SMOC2: variants seen among roughly 807,000 people sequenced by gnomAD.
The protein encoded by SMOC2 is SPARC-related modular calcium-binding protein 2.
A neutral mutation model predicts 61.4 loss-of-function variants in SMOC2; 39 were observed. The observed-to-expected ratio is 0.64, with a 90% CI of 0.49 to 0.83. The LOEUF is 0.83. Among genes scored for constraint, SMOC2 ranks in the 40% least tolerant of loss-of-function variants. The pLI is 0.00. For synonymous variants in SMOC2, 247 were observed against 239.9 expected, an observed-to-expected ratio of 1.03 and a Z score of -0.27; for missense variants, 556 against 592.9, an observed-to-expected ratio of 0.94 and a Z score of 0.65.
intron 12 of SMOC2, chr6:168,665,199 A>T (rs1787631160): frequency 6.1e-6 from 1 of 163,618 alleles, no homozygotes; most frequent in Non-Finnish European, 1.3e-5. Context: ...CGCTCCACGC[A>T]TCTTAAATAA....
chr6:168,562,080 A>G (rs367603356), intron 7 of SMOC2, among the ~76,000 whole-genome samples: 6 of 10,454 alleles, frequency 5.7e-4, no homozygotes, highest in African/African-American at 3.6e-3. Flanking sequence ...CTCTCACTGC[A>G]TTCTTGGAGG....
At chr6:168,603,722 A>C (rs1415779256) in intron 8 of SMOC2, among the ~76,000 whole-genome samples, 3 of 130,484 alleles carry the variant, frequency 2.3e-5, no homozygotes, top group Non-Finnish European at 3.6e-5. Flanking sequence ...AAAAAAAAAA[A>C]AACCAGTAAT....
At chr6:168,591,763 A>G (rs1327264733) in intron 7 of SMOC2, among the ~76,000 whole-genome samples, 3 of 151,802 alleles carry the variant, frequency 2.0e-5, no homozygotes, top group African/African-American at 7.2e-5. Flanking sequence ...TTCTTTATAC[A>G]TTAACTCCTC....
chr6:168,480,733 A>G (rs1227956234), intron 1 of SMOC2, among the ~76,000 whole-genome samples: 1 of 152,164 alleles, frequency 6.6e-6, no homozygotes, highest in African/African-American at 2.4e-5. Context: ...TAAAGATCCA[A>G]GAAGCTCAAT....
intron 11 of SMOC2, among the ~76,000 whole-genome samples, chr6:168,654,308 C>G (rs151161050): frequency 6.3e-4 from 27 of 42,776 alleles, no homozygotes; most frequent in South Asian, 1.7e-3. Flanking sequence ...CACCAACCCT[C>G]TACCTGAGCT....
intron 1 of SMOC2, among the ~76,000 whole-genome samples, chr6:168,485,499 G>T (rs1378046083): frequency 6.6e-6 from 1 of 152,120 alleles, no homozygotes; most frequent in African/African-American, 2.4e-5. Flanking sequence ...CCATAAAAAG[G>T]AATGAAGTGT....
At chr6:168,448,885 C>T (rs890798849) in intron 1 of SMOC2, among the ~76,000 whole-genome samples, 2 of 152,078 alleles carry the variant, frequency 1.3e-5, no homozygotes, top group African/African-American at 4.8e-5. Flanking sequence ...TTGATATTAC[C>T]TCAATGGGGT....
rs115525145 is a variant in SMOC2 at position 168,570,359 on chromosome 6, C to A, written c.637+21156C>A. ...GCAACCAGAGGAGCCTTGCCAGAAT[C>A]GTCAGGCTGAGGCCCACCGCGGGGG... On this transcript the variant is annotated intron_variant, in intron 7 of 12. Transcript: ENST00000356284. Among the ~76,000 whole-genome samples, 720 of 152,230 alleles carry A rather than the reference C, an allele frequency of 4.7e-3. 5 individuals carry two copies. The highest frequency in any genetic ancestry group is 0.017 in the African/African-American group (692 of 41,526).
intron 8 of SMOC2, among the ~76,000 whole-genome samples, chr6:168,599,663 CACACACTCCCCT>C (rs1281932532): frequency 1.6e-5 from 1 of 62,890 alleles, no homozygotes; most frequent in Non-Finnish European, 4.5e-5. Context: ...TACCCACACT[CACACACTCCCCT>C]ACACACTCTC....
chr6:168,579,606 C>T (rs1784880155), intron 7 of SMOC2, among the ~76,000 whole-genome samples: 1 of 152,222 alleles, frequency 6.6e-6, no homozygotes, highest in Non-Finnish European at 1.5e-5. Context: ...TTGCACCCGT[C>T]CTGAGGGGAG....
At chr6:168,591,229 G>T (rs751549619) in intron 7 of SMOC2, among the ~76,000 whole-genome samples, 4 of 152,238 alleles carry the variant, frequency 2.6e-5, no homozygotes, top group Non-Finnish European at 5.9e-5. Flanking sequence ...TCGGGAGTGT[G>T]TTCAGGAAGG....
chr6:168,564,233 T>G (rs1356113894), intron 7 of SMOC2, among the ~76,000 whole-genome samples: 2 of 152,118 alleles, frequency 1.3e-5, no homozygotes, highest in Admixed American at 6.5e-5. Flanking sequence ...GATTCACACG[T>G]ATTTTCTTCC....
intron 1 of SMOC2, among the ~76,000 whole-genome samples, chr6:168,485,127 C>A (rs1554283222): frequency 2.0e-5 from 3 of 151,670 alleles, no homozygotes; most frequent in Non-Finnish European, 1.5e-5. Context: ...TACCATAATA[C>A]AAATAATTGA....
At chr6:168,562,384 C>T (rs113705358) in intron 7 of SMOC2, among the ~76,000 whole-genome samples, 69 of 112,030 alleles carry the variant, frequency 6.2e-4, no homozygotes, top group African/African-American at 2.1e-3. Flanking sequence ...ACACAAGGCT[C>T]TCACTGCATT....
chr6:168,585,653 C>T (rs1435379270), intron 7 of SMOC2, among the ~76,000 whole-genome samples: 1 of 152,226 alleles, frequency 6.6e-6, no homozygotes, highest in Non-Finnish European at 1.5e-5. Flanking sequence ...TGCTCCTCAG[C>T]TCAGCTGGCC....
intron 7 of SMOC2, among the ~76,000 whole-genome samples, chr6:168,578,186 C>T (rs1284488027): frequency 1.3e-5 from 2 of 152,172 alleles, no homozygotes; most frequent in Non-Finnish European, 2.9e-5. Flanking sequence ...GAAGCTTGGC[C>T]GTGCCCTGCA....
chr6:168,659,624 G>T (rs1228451224), intron 11 of SMOC2, among the ~76,000 whole-genome samples: 2 of 149,510 alleles, frequency 1.3e-5, no homozygotes, highest in Non-Finnish European at 3.0e-5. Context: ...TAGGCTGAGT[G>T]AGGGTGGAGG....
At chr6:168,455,810 A>G (rs1220018788) in intron 1 of SMOC2, among the ~76,000 whole-genome samples, 3 of 152,236 alleles carry the variant, frequency 2.0e-5, no homozygotes, top group Non-Finnish European at 4.4e-5. Flanking sequence ...CTTTATACAA[A>G]TGGGCAGCTC....
At chr6:168,455,005 G>T (rs927517823) in intron 1 of SMOC2, among the ~76,000 whole-genome samples, 36 of 152,294 alleles carry the variant, frequency 2.4e-4, no homozygotes, top group Admixed American at 2.3e-3. Flanking sequence ...GGTGGCCGGG[G>T]TCTCAGATGG....
Sources: gnomAD v4.1 joint callset for allele counts (sites outside exome capture counted in the v4.1 genomes callset) on GRCh38, gnomAD v4.1.1 for gene constraint, MANE v1.5 for transcripts, NCBI Gene and HGNC (gene_info 2026-07-23, HGNC 2026-07-21) for gene names.